Variants in ZPBP observed in about 807,000 individuals in gnomAD.
ZPBP encodes zona pellucida binding protein.
Under a neutral mutation model 44.8 loss-of-function variants are expected in ZPBP, and 26 were observed. The observed-to-expected ratio is 0.58, with a 90% CI of 0.43 to 0.81. ZPBP has a LOEUF of 0.81. Among genes scored for constraint, ZPBP ranks in the 30% least tolerant of loss-of-function variants. The probability of loss-of-function intolerance (pLI) is 0.00; values close to 1 mark genes in which losing one functional copy is unlikely to be tolerated. For missense variants in ZPBP, 409 were observed against 434.0 expected (o/e 0.94, Z 0.51); for synonymous variants, 174 against 153.2 (o/e 1.14, Z -1.00).
chr7:50,027,007 C>G (rs1485937448), intron 5 of ZPBP, among the ~76,000 whole-genome samples: 1 of 151,888 alleles, frequency 6.6e-6, no homozygotes, highest in African/African-American at 2.4e-5. Flanking sequence ...ATGCTAAAAC[C>G]CCACCCCAAA....
chr7:49,845,791 G>A (rs1265507881), downstream of ZPBP, among the ~76,000 whole-genome samples: 1 of 152,168 alleles, frequency 6.6e-6, no homozygotes, highest in Non-Finnish European at 1.5e-5. Context: ...TGTCTCTATG[G>A]CCACAGATAT....
At chr7:49,850,790 A>C (rs1381869160) in intron 2 of ZPBP, among the ~76,000 whole-genome samples, 1 of 152,214 alleles carries the variant, frequency 6.6e-6, no homozygotes, top group Non-Finnish European at 1.5e-5. Context: ...TCATGGGTAC[A>C]GTGAGCTCCG....
intron 7 of ZPBP, among the ~76,000 whole-genome samples, chr7:49,945,643 CTGATA>C (rs1482396021): frequency 2.0e-5 from 3 of 149,932 alleles, no homozygotes; most frequent in Admixed American, 6.6e-5. Context: ...TTTTTTTTTC[CTGATA>C]TAAGTATAGC....
At chr7:49,939,708 G>A (rs1367204257) in intron 7 of ZPBP, among the ~76,000 whole-genome samples, 1 of 151,952 alleles carries the variant, frequency 6.6e-6, no homozygotes, top group Non-Finnish European at 1.5e-5. Context: ...TAAAAGTAAC[G>A]ATTGTGTAAA....
At chr7:50,081,971 G>A (rs2128852374) in intron 2 of ZPBP, 72 bp from the exon 3 acceptor site, 1 of 1,552,052 alleles carries the variant, frequency 6.4e-7, no homozygotes, top group East Asian at 2.3e-5. Flanking sequence ...GTACACTTTT[G>A]TAGTTTGGGT....
chr7:49,988,011 A>T (rs1219129157), intron 6 of ZPBP, among the ~76,000 whole-genome samples: 1 of 152,210 alleles, frequency 6.6e-6, no homozygotes, highest in Non-Finnish European at 1.5e-5. Flanking sequence ...AAGTTCAAAC[A>T]AGTTGTGGAA....
chr7:49,881,103 C>T (rs964248604), intron 2 of ZPBP, among the ~76,000 whole-genome samples: 6 of 152,234 alleles, frequency 3.9e-5, no homozygotes, highest in African/African-American at 1.4e-4. Flanking sequence ...GGCCTCAGTT[C>T]TCTCAGCCTG....
intron 2 of ZPBP, among the ~76,000 whole-genome samples, chr7:49,862,841 C>A (rs750635201): frequency 1.7e-4 from 26 of 151,974 alleles, no homozygotes; most frequent in Non-Finnish European, 3.2e-4. Flanking sequence ...GATGTATAAT[C>A]CTTTTAATAT....
At chr7:49,927,062 G>T (rs1794263405) in intron 1 of ZPBP, among the ~76,000 whole-genome samples, 1 of 152,134 alleles carries the variant, frequency 6.6e-6, no homozygotes, top group East Asian at 1.9e-4. Context: ...TTTCATAGCT[G>T]CCATACCTTC....
the ZPBP span, among the ~76,000 whole-genome samples, chr7:49,842,978 G>A: frequency 6.6e-6 from 1 of 151,986 alleles, no homozygotes; most frequent in South Asian, 2.1e-4. Context: ...TGAGGTTTGG[G>A]GTACAAGTGA....
chr7:49,887,440 A>T (rs1202358514), intron 2 of ZPBP, among the ~76,000 whole-genome samples: 1 of 152,246 alleles, frequency 6.6e-6, no homozygotes, highest in Non-Finnish European at 1.5e-5. Context: ...ATGTGGTTAT[A>T]TAATTGATTT....
At chr7:49,945,186 A>G (rs1311133877) in intron 7 of ZPBP, among the ~76,000 whole-genome samples, 1 of 152,112 alleles carries the variant, frequency 6.6e-6, no homozygotes, top group Non-Finnish European at 1.5e-5. Context: ...TTCTAGTTTT[A>G]TTCCATTGTG....
intron 7 of ZPBP, among the ~76,000 whole-genome samples, chr7:49,976,078 C>T (rs539510242): frequency 2.0e-5 from 3 of 152,238 alleles, no homozygotes; most frequent in African/African-American, 7.2e-5. Flanking sequence ...ATTACTTATA[C>T]CAGTTCTAGA....
chr7:50,031,859 T>C (rs1485392026), intron 4 of ZPBP, among the ~76,000 whole-genome samples: 1 of 152,014 alleles, frequency 6.6e-6, no homozygotes, highest in African/African-American at 2.4e-5. Context: ...TATATATATT[T>C]TGCCCATCCC....
chr7:50,065,606 T>C (rs1184643698), intron 3 of ZPBP, among the ~76,000 whole-genome samples: 1 of 150,748 alleles, frequency 6.6e-6, no homozygotes, highest in Non-Finnish European at 1.5e-5. Context: ...AGTGAAGTGA[T>C]CTTGTGGCAT....
intron 2 of ZPBP, among the ~76,000 whole-genome samples, chr7:50,082,470 T>C (rs932836005): frequency 6.6e-6 from 1 of 151,826 alleles, no homozygotes; most frequent in African/African-American, 2.4e-5. Flanking sequence ...AATAGTATCC[T>C]TTAGGAGATA....
chr7:49,987,334 AAG>A (rs1243425375), intron 6 of ZPBP, among the ~76,000 whole-genome samples: 1 of 152,176 alleles, frequency 6.6e-6, no homozygotes, highest in African/African-American at 2.4e-5. Context: ...TTCCTGGAAA[AAG>A]ATTTTTTTCT....
intron 2 of ZPBP, among the ~76,000 whole-genome samples, chr7:49,871,299 C>T (rs567438813): frequency 7.9e-5 from 12 of 152,108 alleles, no homozygotes; most frequent in Admixed American, 2.0e-4. Context: ...TGATCCAAGT[C>T]GGATTCCCTG....
At chr7:49,860,257 C>G (rs1790596492) in intron 2 of ZPBP, among the ~76,000 whole-genome samples, 1 of 152,190 alleles carries the variant, frequency 6.6e-6, no homozygotes, top group African/African-American at 2.4e-5. Context: ...TCTCCTCATT[C>G]CTGTCTACGT....
Sources: gnomAD v4.1 joint callset for allele counts (sites outside exome capture counted in the v4.1 genomes callset) on GRCh38, gnomAD v4.1.1 for gene constraint, MANE v1.5 for transcripts, NCBI Gene and HGNC (gene_info 2026-07-23, HGNC 2026-07-21) for gene names.